RGS7: variants seen among roughly 807,000 people sequenced by gnomAD.
RGS7 encodes regulator of G protein signaling 7, also known as regulator of G-protein signaling 7.
In RGS7, 27 loss-of-function variants were observed where a neutral mutation model predicts 81.1. The ratio of observed to expected loss-of-function variants is 0.33; its 90% CI spans 0.25 to 0.46. The LOEUF is 0.46. RGS7 is among the 20% of genes least tolerant of loss of function. The probability of loss-of-function intolerance (pLI) is 1.00; values close to 1 mark genes in which losing one functional copy is unlikely to be tolerated. For synonymous variants in RGS7, 208 were observed against 207.7 expected, an observed-to-expected ratio of 1.00 and a Z score of -0.01; for missense variants, 396 against 607.4, an observed-to-expected ratio of 0.65 and a Z score of 3.66.
At chr1:241,219,432 C>A (rs969277757) in intron 2 of RGS7, among the ~76,000 whole-genome samples, 2 of 152,174 alleles carry the variant, frequency 1.3e-5, no homozygotes, top group African/African-American at 2.4e-5. Flanking sequence ...TCCAATTAAA[C>A]CTCTTTCTTT....
intron 3 of RGS7, among the ~76,000 whole-genome samples, chr1:241,016,137 C>T (rs867737476): frequency 5.9e-5 from 9 of 152,126 alleles, no homozygotes; most frequent in Non-Finnish European, 1.3e-4. Context: ...GTGTGAGGTA[C>T]GATGGGATAA....
chr1:240,801,740 G>A (rs545011585), intron 16 of RGS7, among the ~76,000 whole-genome samples: 2 of 152,112 alleles, frequency 1.3e-5, no homozygotes, highest in Non-Finnish European at 2.9e-5. Context: ...ACAAAATGGT[G>A]TGATTCAAGC....
chr1:241,259,667 A>AAAAAAAAAAAAAAAAAAAAAATAT, intron 2 of RGS7, among the ~76,000 whole-genome samples: 10 of 49,142 alleles, frequency 2.0e-4, no homozygotes, highest in East Asian at 6.1e-4. Context: ...AAAAAAAAAA[A>AAAAAAAAAAAAAAAAAAAAAATAT]ATATATATAT....
At chr1:241,193,714 A>G (rs1277937876) in intron 2 of RGS7, among the ~76,000 whole-genome samples, 1 of 152,188 alleles carries the variant, frequency 6.6e-6, no homozygotes, top group Non-Finnish European at 1.5e-5. Context: ...GCAGTACACA[A>G]ACACTTGAAT....
intron 3 of RGS7, among the ~76,000 whole-genome samples, chr1:241,020,694 A>T (rs2059492982): frequency 6.6e-6 from 1 of 151,624 alleles, no homozygotes; most frequent in Non-Finnish European, 1.5e-5. Context: ...ACTGAACCAA[A>T]CTATCAGTTT....
chr1:241,131,306 A>G (rs1425697074), intron 2 of RGS7, among the ~76,000 whole-genome samples: 1 of 152,216 alleles, frequency 6.6e-6, no homozygotes, highest in Non-Finnish European at 1.5e-5. Flanking sequence ...AATCATTAAG[A>G]TGAGGATGTT....
At chr1:241,121,412 A>G (rs989556958) in intron 2 of RGS7, among the ~76,000 whole-genome samples, 2 of 152,200 alleles carry the variant, frequency 1.3e-5, no homozygotes, top group African/African-American at 4.8e-5. Context: ...ATGAAAGGAC[A>G]ACAAAAGGAA....
intron 2 of RGS7, among the ~76,000 whole-genome samples, chr1:241,104,416 T>C (rs1001079222): frequency 3.9e-5 from 6 of 152,180 alleles, no homozygotes; most frequent in African/African-American, 1.4e-4. Flanking sequence ...ACAGGAGATT[T>C]GATTTGAAGA....
Position 240,930,652 on chromosome 1 carries a change from C to T in RGS7, c.385+65G>A, listed in dbSNP as rs3912110. On this transcript the variant is annotated intron_variant, in intron 6 of 18. Transcript: ENST00000440928. ...TTTCTTAATGAAAAAAGCAATAAAA[C>T]GCAAGTACACATCCATCTACACATA... 3.5e-3 allele frequency: 5,058 copies of T among 1,434,966 alleles called. 73 individuals carry two copies. The African/African-American group carries it at 0.044, about 12-fold the overall frequency. The allele number at this position is 1,434,966 out of a possible 1,614,324, so 88.9% of individuals were successfully genotyped here.
chr1:240,918,794 C>G (rs1341122839), intron 6 of RGS7, among the ~76,000 whole-genome samples: 1 of 151,540 alleles, frequency 6.6e-6, no homozygotes, highest in South Asian at 2.1e-4. Context: ...AAACCAAAAT[C>G]TGGGTGCTTA....
At chr1:241,048,424 T>A (rs994779063) in intron 3 of RGS7, among the ~76,000 whole-genome samples, 1 of 152,210 alleles carries the variant, frequency 6.6e-6, no homozygotes, top group Non-Finnish European at 1.5e-5. Flanking sequence ...TAACCTTTAG[T>A]AGAAGCCAGC....
Position 240,982,638 on chromosome 1 carries a change from C to T in RGS7, c.226+441G>A, listed in dbSNP as rs545765017. ...CTCACACACACACACCATGTAGGCA[C>T]GAGAAAAAAAATCAGAATTACAAAT... On this transcript the variant is annotated intron_variant, in intron 4 of 18. Transcript: ENST00000440928. Among the ~76,000 whole-genome samples the T allele has an allele frequency of 2.4e-4, 36 of 150,866 alleles. No homozygotes were observed. The East Asian group carries it at 6.1e-3, about 25-fold the overall frequency.
At chr1:241,149,095 A>C (rs899245334) in intron 2 of RGS7, among the ~76,000 whole-genome samples, 1 of 152,220 alleles carries the variant, frequency 6.6e-6, no homozygotes, top group Non-Finnish European at 1.5e-5. Context: ...AGTGTTAGCT[A>C]TATACACAGC....
intron 6 of RGS7, among the ~76,000 whole-genome samples, chr1:240,876,877 C>T (rs1215822339): frequency 2.6e-5 from 4 of 152,120 alleles, no homozygotes; most frequent in Non-Finnish European, 5.9e-5. Context: ...AGGAGAATTG[C>T]TTAAACCCAG....
At chr1:241,357,209 A>C (rs1292227780), upstream of RGS7, 2 of 151,158 alleles carry the variant, frequency 1.3e-5, no homozygotes, top group Admixed American at 1.3e-4. Context: ...GGGAGTCGAG[A>C]CGCCCGGCCC....
chr1:240,962,367 T>C (rs375338419), intron 4 of RGS7, among the ~76,000 whole-genome samples: 20 of 152,304 alleles, frequency 1.3e-4, no homozygotes, highest in Admixed American at 4.6e-4. Context: ...GTTAAAAGTC[T>C]CTTAAAAATC....
intron 4 of RGS7, among the ~76,000 whole-genome samples, chr1:240,977,022 TTATC>T (rs200497107): frequency 3.0e-3 from 443 of 148,800 alleles, no homozygotes; most frequent in African/African-American, 8.5e-3. Context: ...TCTCTATCAT[TTATC>T]TATCTATCAT....
intron 2 of RGS7, among the ~76,000 whole-genome samples, chr1:241,277,611 T>A: frequency 7.8e-6 from 1 of 127,442 alleles, no homozygotes. Context: ...AAAACGAGAC[T>A]CCATCTCAAA....
intron 2 of RGS7, among the ~76,000 whole-genome samples, chr1:241,345,278 A>C (rs142000923): frequency 6.6e-6 from 1 of 152,206 alleles, no homozygotes; most frequent in East Asian, 1.9e-4. Context: ...AAAAATAACT[A>C]TTGGGTTATA....
Sources: gnomAD v4.1 joint callset for allele counts (sites outside exome capture counted in the v4.1 genomes callset) on GRCh38, gnomAD v4.1.1 for gene constraint, MANE v1.5 for transcripts, NCBI Gene and HGNC (gene_info 2026-07-23, HGNC 2026-07-21) for gene names.